DNAH1: variants seen among roughly 807,000 people sequenced by gnomAD.
DNAH1 encodes the protein axonemal beta dynein heavy chain 1.
Under a neutral mutation model 484.3 loss-of-function variants are expected in DNAH1, and 327 were observed. The observed-to-expected ratio is 0.68, with a 90% CI of 0.62 to 0.74. The LOEUF (loss-of-function observed/expected upper bound fraction) is 0.74, where lower values mean the gene tolerates loss of function less well. DNAH1 is among the 30% of genes least tolerant of loss of function. The pLI is 0.00. For synonymous variants in DNAH1, 2,192 were observed against 2,191.9 expected, an observed-to-expected ratio of 1.00 and a Z score of 0.00; for missense variants, 5,052 against 5,546.8, an observed-to-expected ratio of 0.91 and a Z score of 2.83.
chr3:52,339,661 G>A (rs1347739698), intron 8 of DNAH1, among the ~76,000 whole-genome samples: 3 of 152,276 alleles, frequency 2.0e-5, no homozygotes, highest in South Asian at 2.1e-4. Context: ...TCTTATAGAA[G>A]CAAATGTAGA....
rs544194518 is a variant in DNAH1, at chr3:52,327,148, C to T, written c.738+257C>T. On this transcript the variant is annotated intron_variant, in intron 5 of 77. Transcript: ENST00000420323. ...AGCCTGTATGCCTGGCCTCGGCCTC[C>T]GTGCCACCCATGGGCAACCTAGATG... Among the ~76,000 whole-genome samples, 29 of 151,984 alleles carry T rather than the reference C, an allele frequency of 1.9e-4. 1 individual carries two copies. The East Asian group carries it at 5.0e-3, about 26-fold the overall frequency.
intron 1 of DNAH1, 57 bp from the exon 2 acceptor site, chr3:52,322,352 T>G (rs1701177862): frequency 8.0e-7 from 1 of 1,250,360 alleles, no homozygotes; most frequent in Non-Finnish European, 1.1e-6. Context: ...CATCCATGTG[T>G]CTCGGGGCTA....
At position 52,395,412 on chromosome 3, in the gene DNAH1, C is replaced by T. The variant is rs748078130; in HGVS notation, c.11073C>T (p.Ala3691=). ...TDPAADLYKF[A]EEMKFSKKLS... ...CTGCTGCCGACCTCTACAAGTTTGC[C>T]GAAGAAATGAAGTTCTCCAAAAAGC... is the stretch of plus-strand genomic sequence containing the variant. Residue 3691 remains alanine (A), a synonymous_variant, in exon 69 of 78, where the codon GCC becomes GCT. Transcript: ENST00000420323. The surrounding 1 kb of genome is among the most constrained non-coding windows in gnomAD (Gnocchi z 4.4). The T allele has an allele frequency of 2.1e-5, 34 of 1,613,746 alleles. No individual in the cohort carries two copies. The highest frequency in any genetic ancestry group is 2.4e-5 in the Non-Finnish European group (28 of 1,179,888).
intron 46 of DNAH1, among the ~76,000 whole-genome samples, chr3:52,376,200 A>G (rs1703594439): frequency 6.6e-6 from 1 of 152,182 alleles, no homozygotes; most frequent in Non-Finnish European, 1.5e-5. Flanking sequence ...GAGCCCTTCC[A>G]TGCCTGCGTT....
chr3:52,382,802 G>A (rs746606733), intron 50 of DNAH1, among the ~76,000 whole-genome samples: 1 of 152,212 alleles, frequency 6.6e-6, no homozygotes, highest in Non-Finnish European at 1.5e-5. Flanking sequence ...GCTCCCTCTT[G>A]GGATGGCATG....
intron 1 of DNAH1, among the ~76,000 whole-genome samples, chr3:52,320,858 T>C (rs1386150305): frequency 2.0e-5 from 3 of 148,404 alleles, no homozygotes; most frequent in African/African-American, 7.5e-5. Context: ...TGGAATGCAG[T>C]GGCATGATCT....
chr3:52,375,270 T>A lies in DNAH1; in HGVS notation c.7016T>A (p.Phe2339Tyr). Residue 2339 changes from phenylalanine to tyrosine, a missense_variant, in exon 45 of 78, where the codon TTT becomes TAT. Physicochemically the swap from Phe to Tyr is conservative, Grantham distance 22 (BLOSUM62 3). Transcript: ENST00000420323. ...TTCAAGAACCTAGTGGACATCAACT[T>A]TGTCTGTGCCATGGGCCCCCCGGGT... ...GAFKNLVDINFVCAMGPPGGG... is the reference protein window; with the variant it reads ...GAFKNLVDINYVCAMGPPGGG... The A allele has an allele frequency of 6.2e-7, 1 of 1,610,412 alleles. No individual in the cohort carries two copies. Among genetic ancestry groups the A allele is most frequent in the South Asian group, 1.1e-5 (1 of 89,946 alleles).
Position 52,347,972 on chromosome 3 carries a change from A to C in DNAH1, c.2104A>C (p.Lys702Gln), listed in dbSNP as rs754431164. Reference protein sequence around the residue: ...LATHAVPQLEKLVMEDIFISG... With the variant: ...LATHAVPQLEQLVMEDIFISG... ...CACCCATGCCGTGCCCCAGCTGGAG[A>C]AGGTACGTGCTGCAGCCTGAGCAGG... The change falls in exon 12 of 78, where the codon AAG becomes CAG. Residue 702 changes from lysine to glutamine, a missense_variant and splice_region_variant. Coordinates refer to ENST00000420323, the MANE Select transcript of DNAH1 (RefSeq NM_015512.5). 7.5e-6 allele frequency: 12 copies of C among 1,607,400 alleles called. No homozygotes were observed. The Admixed American group carries it at 8.5e-5, about 11-fold the overall frequency.
intron 8 of DNAH1, among the ~76,000 whole-genome samples, chr3:52,343,660 T>A (rs1368710037): frequency 6.6e-6 from 1 of 152,072 alleles, no homozygotes; most frequent in Non-Finnish European, 1.5e-5. Flanking sequence ...AAACTGAGAT[T>A]CCCTTGTGGT....
intron 44 of DNAH1, chr3:52,374,968 G>A: frequency 4.6e-6 from 1 of 216,976 alleles, no homozygotes. Flanking sequence ...TCACCATGGG[G>A]GCGGGGGGTG....
intron 36 of DNAH1, among the ~76,000 whole-genome samples, chr3:52,367,709 G>A (rs1703145301): frequency 1.3e-5 from 2 of 152,120 alleles, no homozygotes; most frequent in African/African-American, 2.4e-5. Flanking sequence ...GAGTAGCTGG[G>A]ATTACAGGCA....
At chr3:52,376,217 C>A (rs1703595125) in intron 46 of DNAH1, among the ~76,000 whole-genome samples, 1 of 152,146 alleles carries the variant, frequency 6.6e-6, no homozygotes, top group African/African-American at 2.4e-5. Context: ...CGTTAGTGTC[C>A]AGCTGATGAT....
chr3:52,361,908 C>T lies in DNAH1; in HGVS notation c.4980+142C>T. ...TTGTCCCGGGGGCACACCCTAACCCCAGTCTGTGGGCAGCTCCCAGGCCAA... is the reference window on the plus strand; with the variant it reads ...TTGTCCCGGGGGCACACCCTAACCCTAGTCTGTGGGCAGCTCCCAGGCCAA... On this transcript the variant is annotated intron_variant, in intron 30 of 77. Coordinates refer to ENST00000420323, the MANE Select transcript of DNAH1 (RefSeq NM_015512.5). The surrounding 1 kb of genome is among the most constrained non-coding windows in gnomAD (Gnocchi z 5.6). 1.1e-6 allele frequency: 1 copy of T among 884,328 alleles called. No homozygotes were observed. Among genetic ancestry groups the T allele is most frequent in the Admixed American group, 2.5e-5 (1 of 40,296 alleles). The allele number at this position is 884,328 out of a possible 1,614,324, so 54.8% of individuals were successfully genotyped here. A position where few individuals can be genotyped will look rare whatever the true frequency, so the allele number is the denominator to read the frequency against.
chr3:52,336,427 G>A (rs1431721596), intron 8 of DNAH1, among the ~76,000 whole-genome samples: 2 of 152,060 alleles, frequency 1.3e-5, no homozygotes, highest in African/African-American at 2.4e-5. Context: ...GGTGGGGCGC[G>A]CCTATTGTCC....
At chr3:52,382,710 C>T (rs941539159) in intron 50 of DNAH1, among the ~76,000 whole-genome samples, 1 of 152,242 alleles carries the variant, frequency 6.6e-6, no homozygotes, top group African/African-American at 2.4e-5. Context: ...GGTAGCATAG[C>T]ACCCCACTCA....
At chr3:52,357,340 C>T (rs1262677107) in intron 22 of DNAH1, among the ~76,000 whole-genome samples, 4 of 152,160 alleles carry the variant, frequency 2.6e-5, no homozygotes, top group African/African-American at 9.7e-5. Context: ...AGACGTGAGC[C>T]ACCATGCCCG....
chr3:52,357,478 A>G (rs952695012), intron 22 of DNAH1, 136 bp from the exon 23 acceptor site: 11 of 1,156,946 alleles, frequency 9.5e-6, no homozygotes, highest in Non-Finnish European at 1.3e-5. Flanking sequence ...CCACTGGCTC[A>G]GGGAGAATTT....
At chr3:52,378,463 T>C in intron 46 of DNAH1, 139 bp from the exon 47 acceptor site, 4 of 814,354 alleles carry the variant, frequency 4.9e-6, no homozygotes, top group Non-Finnish European at 5.7e-6. Flanking sequence ...GGCCAAAGGG[T>C]ACGTGGAATC....
At chr3:52,373,097 C>A in intron 44 of DNAH1, 44 bp downstream of exon 44, 1 of 1,575,634 alleles carries the variant, frequency 6.3e-7, no homozygotes, top group Non-Finnish European at 8.6e-7. Context: ...GCTACGCGTG[C>A]TGTGCAGGGG....
Sources: allele counts gnomAD v4.1 joint callset (sites outside exome capture counted in the v4.1 genomes callset), GRCh38; gene constraint gnomAD v4.1.1; non-coding constraint Gnocchi (gnomAD v3.1); transcripts MANE v1.5; gene names NCBI Gene and HGNC (gene_info 2026-07-23, HGNC 2026-07-21).